Variants in AHNAK2 observed in about 807,000 individuals in gnomAD.
AHNAK2 encodes AHNAK nucleoprotein 2.
In AHNAK2, 18 loss-of-function variants were observed where a neutral mutation model predicts 30.7. The observed-to-expected ratio is 0.59, with a 90% CI of 0.41 to 0.87. The LOEUF is 0.87. Ranked by LOEUF, AHNAK2 falls within the 40% of genes least tolerant of loss-of-function variation. AHNAK2 has a pLI of 0.00. For synonymous variants in AHNAK2, 3,590 were observed against 3,073.8 expected, an observed-to-expected ratio of 1.17 and a Z score of -5.56; for missense variants, 8,604 against 7,373.0, an observed-to-expected ratio of 1.17 and a Z score of -6.11.
In AHNAK2 at chr14:104,945,243, T is replaced by C. The variant is rs373024852; in HGVS notation, c.10208A>G (p.Lys3403Arg). The change falls in exon 7 of 7, where the codon AAA becomes AGA. Residue 3403 changes from lysine (K) to arginine (R), a missense_variant. Coordinates refer to ENST00000333244, the MANE Select transcript of AHNAK2 (RefSeq NM_138420.4). ...CACCTGGGGGCTCTTGAGGTCCACT[T>C]TGGGCATCTTGAAACTGGGCATCTC... The part of the protein sequence containing the change: ...KVEMPSFKMP[K>R]VDLKSPQVDI... 22 of 1,612,594 alleles carry C rather than the reference T, an allele frequency of 1.4e-5. 1 individual carries two copies. Among genetic ancestry groups the C allele is most frequent in the African/African-American group, 1.1e-4 (8 of 74,488 alleles).
In AHNAK2 at chr14:104,938,513, C is replaced by T. The variant is rs1462762380; in HGVS notation, c.16938G>A (p.Trp5646Ter). The T allele has an allele frequency of 6.2e-7, 1 of 1,613,604 alleles. No individual in the cohort carries two copies. The highest frequency in any genetic ancestry group is 1.7e-5 in the Admixed American group (1 of 59,994). Residue 5646 changes from tryptophan (W) to a stop codon, truncating the protein, a stop_gained, in exon 7 of 7, where the codon TGG (tryptophan) becomes TGA (stop). Coordinates refer to ENST00000333244, the MANE Select transcript of AHNAK2 (RefSeq NM_138420.4). LOFTEE classifies it low-confidence loss of function (END_TRUNC). The stretch of plus-strand genomic sequence containing the variant: ...AAAACCCAATGTTTGGAAGCCAAAA[C>T]CAGAGCAGACCAGATTTTTTACTTT... ...KPESKKSGLLWFWLPNIGFSS... is the reference protein window; with the variant it reads ...KPESKKSGLL
chr14:104,961,330 C>G (rs181573982), intron 1 of AHNAK2, among the ~76,000 whole-genome samples: 1 of 151,748 alleles, frequency 6.6e-6, no homozygotes, highest in Non-Finnish European at 1.5e-5. Flanking sequence ...CTGGCTAACA[C>G]AGTGAAACCC....
chr14:104,949,730 G>A lies in AHNAK2; in HGVS notation c.5721C>T (p.Pro1907=), dbSNP rs1418834881. Residue 1907 remains proline, a synonymous_variant, in exon 7 of 7, where the codon CCC becomes CCT. Transcript: ENST00000333244. ...TCTTGAAACTGGGCATATCCACCTT[G>A]GGCAAGTGCCCTTTGAGGCCGGCTC... ...PEGAGLKGHL[P]KVDMPSFKMP... 6.3e-7 allele frequency: 1 copy of A among 1,587,380 alleles called. No homozygotes were observed. Among genetic ancestry groups the A allele is most frequent in the East Asian group, 2.2e-5 (1 of 44,720 alleles).
chr14:104,957,490 C>G lies in AHNAK2; in HGVS notation c.133G>C (p.Asp45His), dbSNP rs1899012392. The G allele has an allele frequency of 6.2e-7, 1 of 1,600,392 alleles. No individual in the cohort carries two copies. The highest frequency in any genetic ancestry group is 8.5e-7 in the Non-Finnish European group (1 of 1,171,944). Reference protein sequence around the residue: ...DDHSVTEGPADEGIRPRPQGS... With the variant: ...DDHSVTEGPAHEGIRPRPQGS... ...TGCGGCCGTGGTCGAATGCCCTCATCCGCAGGCCCTTCAGTCACCTGACGG... is the reference window on the plus strand; with the variant it reads ...TGCGGCCGTGGTCGAATGCCCTCATGCGCAGGCCCTTCAGTCACCTGACGG... Residue 45 changes from aspartate (D) to histidine (H), a missense_variant, in exon 3 of 7, where the codon GAT becomes CAT. By Grantham distance (81) the Asp-to-His change is moderately conservative (BLOSUM62 -1). Coordinates refer to ENST00000333244, the MANE Select transcript of AHNAK2 (RefSeq NM_138420.4).
rs372637741 is a variant in AHNAK2 at position 104,939,568 on chromosome 14, A to T, written c.15883T>A (p.Ser5295Thr). The T allele has an allele frequency of 1.9e-6, 3 of 1,613,902 alleles. No homozygotes were observed. The highest frequency in any genetic ancestry group is 2.5e-6 in the Non-Finnish European group (3 of 1,179,886). Reference protein sequence around the residue: ...AGMTGDELSTSEVRIHPSKGP... With the variant: ...AGMTGDELSTTEVRIHPSKGP... ...TTGGATGGATGGATCCTGACCTCAG[A>T]AGTGGAAAGCTCATCCCCAGTCATC... is the stretch of plus-strand genomic sequence containing the variant. The change falls in exon 7 of 7, where the codon TCT (serine) becomes ACT (threonine). Residue 5295 changes from serine to threonine, a missense_variant. Physicochemically the swap from Ser to Thr is moderately conservative, Grantham distance 58 (BLOSUM62 1). Coordinates refer to ENST00000333244, the MANE Select transcript of AHNAK2 (RefSeq NM_138420.4).
rs997372641 is a variant in AHNAK2 at position 104,954,124 on chromosome 14, T to C, written c.1327A>G (p.Thr443Ala). The C allele has an allele frequency of 5.0e-6, 8 of 1,611,692 alleles. No individual in the cohort carries two copies. Among genetic ancestry groups the C allele is most frequent in the Non-Finnish European group, 5.9e-6 (7 of 1,179,836 alleles). The change falls in exon 7 of 7, where the codon ACT (threonine) becomes GCT (alanine). Residue 443 changes from threonine to alanine, a missense_variant. Transcript: ENST00000333244. This position sits in a 1 kb window ranked among gnomAD's most constrained non-coding sequence, Gnocchi z 4.3. ...VAQRKPRAQP[T>A]PGMSREGEGE... ...TCACCCTCCCGGCTCATTCCAGGAG[T>C]TGGCTGGGCCCTGGGCTTCCTCTGG...
Position 104,946,281 on chromosome 14 carries a change from A to C in AHNAK2, c.9170T>G (p.Leu3057Arg). 6.2e-7 allele frequency: 1 copy of C among 1,611,324 alleles called. No homozygotes were observed. Among genetic ancestry groups the C allele is most frequent in the Non-Finnish European group, 8.5e-7 (1 of 1,179,174 alleles). ...PEGHVPEGAG[L>R]KGHLPKLQMP... Reference sequence around the variant, plus strand: ...CTGCAACTTGGGCAGGTGCCCTTTGAGGCCAGCTCCCTCGGGAACGTGGCC... The same window carrying C: ...CTGCAACTTGGGCAGGTGCCCTTTGCGGCCAGCTCCCTCGGGAACGTGGCC... The change falls in exon 7 of 7, where the codon CTC becomes CGC. Residue 3057 changes from leucine to arginine, a missense_variant. By Grantham distance (102) the Leu-to-Arg change is moderately radical. Coordinates refer to ENST00000333244, the MANE Select transcript of AHNAK2 (RefSeq NM_138420.4).
chr14:104,958,607 T>A lies in AHNAK2; in HGVS notation c.56-935A>T, dbSNP rs1595426794. Among the ~76,000 whole-genome samples the A allele has an allele frequency of 3.9e-5, 6 of 152,356 alleles. No individual in the cohort carries two copies. The South Asian group carries it at 1.2e-3, about 32-fold the overall frequency. ...AAAAATTCTGGAGTTGAAAATTTAC[T>A]ACTGGGGTTCACCAACAGATTTGAG... On this transcript the variant is annotated intron_variant, in intron 1 of 6. Coordinates refer to ENST00000333244, the MANE Select transcript of AHNAK2 (RefSeq NM_138420.4).
At chr14:104,955,394 T>C (rs1898940761) in intron 5 of AHNAK2, 89 bp downstream of exon 5, 2 of 1,500,788 alleles carry the variant, frequency 1.3e-6, no homozygotes, top group Non-Finnish European at 1.8e-6. Context: ...AAGCTCCAGG[T>C]GTGGTTCTTA....
chr14:104,959,487 A>G (rs1899075898), intron 1 of AHNAK2, among the ~76,000 whole-genome samples: 1 of 151,822 alleles, frequency 6.6e-6, no homozygotes, highest in Non-Finnish European at 1.5e-5. Flanking sequence ...TTTTTTAAAA[A>G]TTAGCGGGGC....
intron 1 of AHNAK2, among the ~76,000 whole-genome samples, chr14:104,975,780 C>T (rs1416246484): frequency 1.3e-5 from 2 of 152,234 alleles, no homozygotes; most frequent in African/African-American, 4.8e-5. Context: ...TGTCACTCGG[C>T]ATCCCTGGCT....
chr14:104,946,022 G>T lies in AHNAK2; in HGVS notation c.9429C>A (p.Phe3143Leu). Residue 3143 changes from phenylalanine (F) to leucine (L), a missense_variant, in exon 7 of 7, where the codon TTC becomes TTA. Transcript: ENST00000333244. Reference protein sequence around the residue: ...DKDVTAKDSKFKMPKFKMPSF... With the variant: ...DKDVTAKDSKLKMPKFKMPSF... ...ACGGCATCTTGAACTTGGGCATTTT[G>T]AACTTGCTGTCTTTGGCAGTCACAT... 1.3e-6 allele frequency: 2 copies of T among 1,576,414 alleles called. 1 individual carries two copies. The highest frequency in any genetic ancestry group is 1.7e-6 in the Non-Finnish European group (2 of 1,157,266).
chr14:104,956,474 G>T, intron 4 of AHNAK2, 114 bp downstream of exon 4: 1 of 1,060,250 alleles, frequency 9.4e-7, no homozygotes. Flanking sequence ...CCAGGGCACG[G>T]GGCACACTGC....
rs1412693077 is a variant in AHNAK2, at chr14:104,954,127, G to A, written c.1324C>T (p.Pro442Ser). The part of the protein sequence containing the change: ...AVAQRKPRAQ[P>S]TPGMSREGEG... ...CCCTCCCGGCTCATTCCAGGAGTTGGCTGGGCCCTGGGCTTCCTCTGGGCC... is the reference window on the plus strand; with the variant it reads ...CCCTCCCGGCTCATTCCAGGAGTTGACTGGGCCCTGGGCTTCCTCTGGGCC... The change falls in exon 7 of 7, where the codon CCA becomes TCA. Residue 442 changes from proline (P) to serine (S), a missense_variant. Physicochemically the swap from Pro to Ser is moderately conservative, Grantham distance 74 (BLOSUM62 -1). Coordinates refer to ENST00000333244, the MANE Select transcript of AHNAK2 (RefSeq NM_138420.4). The surrounding 1 kb of genome is among the most constrained non-coding windows in gnomAD (Gnocchi z 4.3). The A allele has an allele frequency of 1.2e-6, 2 of 1,611,478 alleles. No homozygotes were observed. Among genetic ancestry groups the A allele is most frequent in the Non-Finnish European group, 1.7e-6 (2 of 1,179,870 alleles).
At chr14:104,967,186 G>A (rs1057101744) in intron 1 of AHNAK2, among the ~76,000 whole-genome samples, 86 of 152,312 alleles carry the variant, frequency 5.6e-4, no homozygotes, top group African/African-American at 2.0e-3. Context: ...AAACCCAGCC[G>A]CCTCCCCGTC....
intron 1 of AHNAK2, among the ~76,000 whole-genome samples, chr14:104,977,046 A>G (rs1899610397): frequency 6.6e-6 from 1 of 151,996 alleles, no homozygotes; most frequent in Admixed American, 6.5e-5. Flanking sequence ...CCCCCCAGAC[A>G]AGCCTCCCAC....
chr14:104,938,594 G>T lies in AHNAK2; in HGVS notation c.16857C>A (p.Ser5619Arg), dbSNP rs776836557. Residue 5619 changes from serine (S) to arginine (R), a missense_variant, in exon 7 of 7, where the codon AGC (serine) becomes AGA (arginine). Ser to Arg is a moderately radical substitution (Grantham distance 110). Coordinates refer to ENST00000333244, the MANE Select transcript of AHNAK2 (RefSeq NM_138420.4). ...CTGCCAGTGGTGTGGTTGCCTCTTG[G>T]CTATCATCAGGGGGAAACTCAAGAA... ...AEILEFPPDD[S>R]QEATTPLADE... 82 of 1,613,068 alleles carry T rather than the reference G, an allele frequency of 5.1e-5. 1 individual carries two copies. The South Asian group carries it at 6.6e-4, about 13-fold the overall frequency.
At chr14:104,976,315 G>T (rs1015912997) in intron 1 of AHNAK2, among the ~76,000 whole-genome samples, 2 of 152,228 alleles carry the variant, frequency 1.3e-5, no homozygotes, top group African/African-American at 4.8e-5. Flanking sequence ...AGCCGCCCAG[G>T]AGATGGCTCC....
chr14:104,939,239 A>T lies in AHNAK2; in HGVS notation c.16212T>A (p.Asp5404Glu). 1 of 1,613,766 alleles carries T rather than the reference A, an allele frequency of 6.2e-7. No homozygotes were observed. Residue 5404 changes from aspartate (D) to glutamate (E), a missense_variant, in exon 7 of 7, where the codon GAT becomes GAA. Transcript: ENST00000333244. ...FSFPAPSSEDDVFIPTVREVQ... is the reference protein window; with the variant it reads ...FSFPAPSSEDEVFIPTVREVQ... ...CTTCCCTCACAGTGGGGATGAACAC[A>T]TCATCCTCTGAGCTGGGGGCAGGGA...
Sources: gnomAD v4.1 joint callset for allele counts (sites outside exome capture counted in the v4.1 genomes callset) on GRCh38, gnomAD v4.1.1 for gene constraint, Gnocchi (gnomAD v3.1) non-coding constraint, MANE v1.5 for transcripts, NCBI Gene and HGNC (gene_info 2026-07-23, HGNC 2026-07-21) for gene names.